Variants in DNM1 observed in about 807,000 individuals in gnomAD.
DNM1 encodes dynamin-1.
DNM1 carries 29 observed loss-of-function variants against 104.6 expected under a neutral mutation model. That is an observed-to-expected ratio of 0.28 (90% CI 0.21 to 0.38). The LOEUF (loss-of-function observed/expected upper bound fraction) is 0.38, where lower values mean the gene tolerates loss of function less well. Ranked by LOEUF, DNM1 falls within the 10% of genes least tolerant of loss-of-function variation. The pLI is 1.00. For synonymous variants in DNM1, 445 were observed against 475.8 expected (o/e 0.94, Z 0.84); for missense variants, 640 against 1,189.4 (o/e 0.54, Z 6.79).
Position 128,245,454 on chromosome 9 carries a change from C to T in DNM1, c.1672-940C>T, listed in dbSNP as rs576825914. On this transcript the variant is annotated intron_variant, in intron 15 of 21. Transcript: ENST00000372923. The surrounding 1 kb of genome is among the most constrained non-coding windows in gnomAD (Gnocchi z 5.2). ...AAAACCCCTCCCCTCTCCCAGAGCC[C>T]CATCCTGGGGTACCTCCTCCCTAGA... Among the ~76,000 whole-genome samples the T allele has an allele frequency of 6.6e-6, 1 of 152,012 alleles. No individual in the cohort carries two copies. The highest frequency in any genetic ancestry group is 2.4e-5 in the African/African-American group (1 of 41,368).
intron 11 of DNM1, among the ~76,000 whole-genome samples, chr9:128,235,289 T>A (rs577359092): frequency 1.3e-5 from 2 of 151,330 alleles, no homozygotes; most frequent in South Asian, 2.1e-4. Flanking sequence ...AGGTCAGGAG[T>A]TTGAGACCAG....
At chr9:128,231,964 G>GAGAGA (rs1564340135) in intron 10 of DNM1, 3 of 456,254 alleles carry the variant, frequency 6.6e-6, no homozygotes, top group African/African-American at 6.0e-5. Context: ...AGGGCTGAGA[G>GAGAGA]GGGAACGTTC....
At position 128,250,211 on chromosome 9, in the gene DNM1, C is replaced by T. The variant is rs1414107946; in HGVS notation, c.2173C>T (p.Arg725Cys). The change falls in exon 20 of 22, where the codon CGC becomes TGC. Residue 725 changes from arginine (R) to cysteine (C), a missense_variant. Arg to Cys is a radical substitution (Grantham distance 180). This residue lies in a region of DNM1 where 129 missense variants were observed against 224.6 expected (regional missense o/e 0.57). Transcript: ENST00000372923. ...GGAGTCGGCGGAGCAGGCACAGCGG[C>T]GCGACGAGATGCTGCGCATGTACCA... ...MEESAEQAQR[R>C]DEMLRMYHAL... is the part of the protein sequence containing the mutation. 6.2e-7 allele frequency: 1 copy of T among 1,614,040 alleles called. No homozygotes were observed. The highest frequency in any genetic ancestry group is 1.3e-5 in the African/African-American group (1 of 74,942).
intron 15 of DNM1, among the ~76,000 whole-genome samples, 172 bp from the exon 16 acceptor site, chr9:128,246,222 G>A (rs1443343066): frequency 6.6e-6 from 1 of 152,084 alleles, no homozygotes; most frequent in Non-Finnish European, 1.5e-5. Flanking sequence ...GCGGGGGTCG[G>A]CGGTGCCCAG....
intron 11 of DNM1, among the ~76,000 whole-genome samples, chr9:128,236,223 T>G (rs995510224): frequency 6.6e-6 from 1 of 152,144 alleles, no homozygotes; most frequent in African/African-American, 2.4e-5. Flanking sequence ...GGAGCAGAGG[T>G]GAGCAGGGCC....
intron 15 of DNM1, chr9:128,244,600 G>A: frequency 3.4e-6 from 1 of 297,150 alleles, no homozygotes; most frequent in South Asian, 2.6e-5. Flanking sequence ...TCCCACACAG[G>A]GTGGCACCCC....
chr9:128,206,337 G>T (rs991321259), intron 1 of DNM1, among the ~76,000 whole-genome samples: 1 of 152,158 alleles, frequency 6.6e-6, no homozygotes, highest in Non-Finnish European at 1.5e-5. Flanking sequence ...ACTTGTCTGG[G>T]TCTATACTAT....
chr9:128,223,277 T>C, intron 9 of DNM1: 1 of 194,300 alleles, frequency 5.1e-6, no homozygotes, highest in Non-Finnish European at 1.1e-5. Context: ...CACACCCTCC[T>C]GTATTCACAG....
rs1834776561 is a variant in DNM1, at chr9:128,218,926, T to G, written c.386-123T>G. Reference sequence around the variant, plus strand: ...ACAGACTGCCACTTTCGCCCTGAGATTTCCTAGTCCCACCCACCTGCCACC... The same window carrying G: ...ACAGACTGCCACTTTCGCCCTGAGAGTTCCTAGTCCCACCCACCTGCCACC... On this transcript the variant is annotated intron_variant, in intron 3 of 21. Transcript: ENST00000372923. This position sits in a 1 kb window ranked among gnomAD's most constrained non-coding sequence, Gnocchi z 4.8. The G allele has an allele frequency of 7.6e-7, 1 of 1,316,544 alleles. No individual in the cohort carries two copies. Among genetic ancestry groups the G allele is most frequent in the African/African-American group, 1.5e-5 (1 of 68,672 alleles). The allele number at this position is 1,316,544 out of a possible 1,614,324, so 81.6% of individuals were successfully genotyped here.
intron 1 of DNM1, among the ~76,000 whole-genome samples, chr9:128,211,295 C>T (rs962962537): frequency 3.3e-5 from 5 of 152,202 alleles, no homozygotes; most frequent in African/African-American, 7.2e-5. Flanking sequence ...GCCCTCAAAA[C>T]GGAACCCCAC....
chr9:128,225,428 G>A (rs751433104), intron 10 of DNM1, among the ~76,000 whole-genome samples: 57 of 152,298 alleles, frequency 3.7e-4, no homozygotes, highest in Admixed American at 7.2e-4. Context: ...CAGCCTCTGC[G>A]CCACGGTTTA....
At position 128,222,750 on chromosome 9, in the gene DNM1, T is replaced by C; in HGVS notation, c.1129-43T>C. 6.2e-7 allele frequency: 1 copy of C among 1,611,810 alleles called. No individual in the cohort carries two copies. Among genetic ancestry groups the C allele is most frequent in the Non-Finnish European group, 8.5e-7 (1 of 1,178,114 alleles). On this transcript the variant is annotated intron_variant, in intron 8 of 21. Coordinates refer to ENST00000372923, the MANE Select transcript of DNM1 (RefSeq NM_004408.4). This position sits in a 1 kb window ranked among gnomAD's most constrained non-coding sequence, Gnocchi z 7.8. ...GGCCCTGTCTTGACCTCCCAGGTAG[T>C]AGGACAGGCCCTGACCAGGCTTTTC... is the stretch of plus-strand genomic sequence containing the variant.
Position 128,224,254 on chromosome 9 carries a change from G to A in DNM1, c.1200G>A (p.Thr400=), listed in dbSNP as rs373198034. 7.4e-5 allele frequency: 120 copies of A among 1,613,700 alleles called. No homozygotes were observed. Among genetic ancestry groups the A allele is most frequent in the East Asian group, 7.1e-4 (32 of 44,880 alleles). The change falls in exon 10 of 22, where the codon ACG becomes ACA. Residue 400 remains threonine, a synonymous_variant. Transcript: ENST00000372923. The surrounding 1 kb of genome is among the most constrained non-coding windows in gnomAD (Gnocchi z 4.3). ...YAIKNIHGIR[T]GLFTPDMAFE... ...TTCTCCCGCTCCGGGCGTTCAGAAC[G>A]GGGCTGTTTACCCCAGACATGGCCT... is the stretch of plus-strand genomic sequence containing the variant.
In DNM1 at chr9:128,220,913, C is replaced by CTTTCTTTCTT. The variant is rs754471401; in HGVS notation, c.849+574_849+583dup. On this transcript the variant is annotated intron_variant, in intron 6 of 21. Transcript: ENST00000372923. The surrounding 1 kb of genome is among the most constrained non-coding windows in gnomAD (Gnocchi z 5.2). Reference sequence around the variant, plus strand: ...TCTTTCTTTCTTTCTTTCTTTCTTTCTTTCTTTCTTTCTTTCTTTCTTTTC... The same window carrying CTTTCTTTCTT: ...TCTTTCTTTCTTTCTTTCTTTCTTTCTTTCTTTCTTTTTCTTTCTTTCTTTCTTTCTTTTC... 1.4e-5 allele frequency among the ~76,000 whole-genome samples: 2 copies of CTTTCTTTCTT among 147,210 alleles called. No individual in the cohort carries two copies. Among genetic ancestry groups the CTTTCTTTCTT allele is most frequent in the Non-Finnish European group, 1.5e-5 (1 of 66,432 alleles).
chr9:128,220,176 C>T lies in DNM1; in HGVS notation c.689-5C>T. 6.2e-7 allele frequency: 1 copy of T among 1,614,020 alleles called. No homozygotes were observed. Among genetic ancestry groups the T allele is most frequent in the Non-Finnish European group, 8.5e-7 (1 of 1,179,992 alleles). On this transcript the variant is annotated splice_region_variant and splice_polypyrimidine_tract_variant and intron_variant, in intron 5 of 21. Coordinates refer to ENST00000372923, the MANE Select transcript of DNM1 (RefSeq NM_004408.4). The surrounding 1 kb of genome is among the most constrained non-coding windows in gnomAD (Gnocchi z 5.2). ...TGGTTGCCCTGACCTTGATACTGTT[C>T]ACAGGCTACATTGGAGTGGTGAACC...
At position 128,203,539 on chromosome 9, in the gene DNM1, C is replaced by A; in HGVS notation, c.69C>A (p.Ile23=). Residue 23 remains isoleucine, a synonymous_variant, in exon 1 of 22, where the codon ATC becomes ATA. Transcript: ENST00000372923. The surrounding 1 kb of genome is among the most constrained non-coding windows in gnomAD (Gnocchi z 5.3). ...GGCTGCAAGACGCCTTCTCTGCCAT[C>A]GGCCAGAACGCGGACCTCGACCTGC... ...VNRLQDAFSA[I]GQNADLDLPQ... The A allele has an allele frequency of 6.5e-7, 1 of 1,546,270 alleles. No individual in the cohort carries two copies. The highest frequency in any genetic ancestry group is 2.7e-5 in the East Asian group (1 of 37,054).
chr9:128,236,134 T>C (rs1366658111), intron 11 of DNM1, among the ~76,000 whole-genome samples: 2 of 152,200 alleles, frequency 1.3e-5, no homozygotes, highest in East Asian at 3.8e-4. Flanking sequence ...CCACCTTTTA[T>C]GTCATCGTTC....
Position 128,252,690 on chromosome 9 carries a change from T to C in DNM1, c.2534+1750T>C, listed in dbSNP as rs533906581. 9.8e-4 allele frequency: 462 copies of C among 470,440 alleles called. 1 individual carries two copies. Among genetic ancestry groups the C allele is most frequent in the African/African-American group, 8.4e-3 (428 of 50,988 alleles). The allele number at this position is 470,440 out of a possible 1,614,324, so 29.1% of individuals were successfully genotyped here. A position where few individuals can be genotyped will look rare whatever the true frequency, so the allele number is the denominator to read the frequency against. ...CACAGAAGGCTCTTAGGTGGAGAAA[T>C]GACAGCTGGACTTTAGCGAGCAAGC... On this transcript the variant is annotated intron_variant, in intron 21 of 21. Coordinates refer to ENST00000372923, the MANE Select transcript of DNM1 (RefSeq NM_004408.4).
intron 1 of DNM1, among the ~76,000 whole-genome samples, chr9:128,207,560 G>A (rs1588313812): frequency 6.6e-6 from 1 of 151,928 alleles, no homozygotes; most frequent in Non-Finnish European, 1.5e-5. Flanking sequence ...CAAGTCTGGT[G>A]GGAATGTGGC....
Sources: allele counts gnomAD v4.1 joint callset (sites outside exome capture counted in the v4.1 genomes callset), GRCh38; gene constraint gnomAD v4.1.1; regional missense constraint gnomAD v4.1.1; non-coding constraint Gnocchi (gnomAD v3.1); transcripts MANE v1.5; gene names NCBI Gene and HGNC (gene_info 2026-07-23, HGNC 2026-07-21).